Variants in SYNPO2 observed in about 807,000 individuals in gnomAD.
SYNPO2 encodes the protein synaptopodin-2.
In SYNPO2, 56 loss-of-function variants were observed where a neutral mutation model predicts 85.0. That is an observed-to-expected ratio of 0.66 (90% CI 0.53 to 0.82). SYNPO2 has a LOEUF of 0.82. SYNPO2 is among the 40% of genes least tolerant of loss of function. SYNPO2 has a pLI of 0.00. For synonymous variants in SYNPO2, 602 were observed against 591.1 expected (o/e 1.02, Z -0.27); for missense variants, 1,575 against 1,534.2 (o/e 1.03, Z -0.44).
intron 1 of SYNPO2, chr4:119,005,931 A>G (rs1045000005): frequency 6.6e-6 from 1 of 152,224 alleles, no homozygotes; most frequent in Admixed American, 6.5e-5. Context: ...TAATTATTAC[A>G]TTCTACAAAG....
At chr4:118,871,172 A>T (rs1340211293) in intron 1 of SYNPO2, among the ~76,000 whole-genome samples, 1 of 152,202 alleles carries the variant, frequency 6.6e-6, no homozygotes, top group Non-Finnish European at 1.5e-5. Flanking sequence ...AAACAGGTCA[A>T]ATGTCACCTC....
chr4:118,988,113 T>C (rs1301881174), intron 1 of SYNPO2, among the ~76,000 whole-genome samples: 1 of 152,250 alleles, frequency 6.6e-6, no homozygotes, highest in African/African-American at 2.4e-5. Flanking sequence ...CTTGATTTCA[T>C]GAGCAGGAAA....
chr4:118,893,814 T>G (rs1201280132), intron 1 of SYNPO2, among the ~76,000 whole-genome samples: 7 of 151,338 alleles, frequency 4.6e-5, no homozygotes, highest in Non-Finnish European at 1.0e-4. Flanking sequence ...TAGTTGATAA[T>G]AACGTATTGT....
At chr4:119,033,727 C>T (rs1421479076) in intron 4 of SYNPO2, 1 of 984,940 alleles carries the variant, frequency 1.0e-6, no homozygotes, top group Non-Finnish European at 1.2e-6. Context: ...ATTACTGTCT[C>T]CTTTATCTGT....
chr4:118,879,150 C>A (rs1440786987), intron 1 of SYNPO2, among the ~76,000 whole-genome samples: 1 of 152,064 alleles, frequency 6.6e-6, no homozygotes, highest in African/African-American at 2.4e-5. Context: ...CCCGACACAT[C>A]TGAACATCTG....
At chr4:118,954,223 C>G (rs1734793431) in intron 1 of SYNPO2, among the ~76,000 whole-genome samples, 1 of 152,156 alleles carries the variant, frequency 6.6e-6, no homozygotes, top group Admixed American at 6.6e-5. Flanking sequence ...TAGTCTGTAT[C>G]TTTAAAACAA....
At chr4:118,904,480 C>T (rs907541176) in intron 1 of SYNPO2, among the ~76,000 whole-genome samples, 5 of 152,048 alleles carry the variant, frequency 3.3e-5, no homozygotes, top group African/African-American at 7.2e-5. Context: ...GAAATCATCA[C>T]GAAGAGAAGA....
At position 119,058,504 on chromosome 4, in the gene SYNPO2, G is replaced by A. The variant is rs1379280905; in HGVS notation, c.*570G>A. ...TTTTTTTTTTTTGAGATGGAGTCTT[G>A]CTCTGTCCCACCCAGTCTGGAGTGC... On this transcript the variant is annotated 3_prime_UTR_variant, in exon 5 of 5. Transcript: ENST00000307142. 1 of 103,330 alleles carries A rather than the reference G, an allele frequency of 9.7e-6. No individual in the cohort carries two copies. The highest frequency in any genetic ancestry group is 1.8e-5 in the Non-Finnish European group (1 of 55,022). 6.4% of individuals were successfully genotyped at this position (103,330 alleles called of 1,614,324 possible).
intron 2 of SYNPO2, among the ~76,000 whole-genome samples, chr4:119,025,161 G>T (rs1036922507): frequency 6.6e-6 from 1 of 152,090 alleles, no homozygotes; most frequent in Non-Finnish European, 1.5e-5. Flanking sequence ...CCATTTGTCT[G>T]TATTGGTCTA....
At position 119,030,761 on chromosome 4, in the gene SYNPO2, T is replaced by C. The variant is rs1043259502; in HGVS notation, c.1986T>C (p.Asp662=). The C allele has an allele frequency of 1.2e-6, 2 of 1,614,040 alleles. No homozygotes were observed. Among genetic ancestry groups the C allele is most frequent in the African/African-American group, 1.3e-5 (1 of 74,900 alleles). ...CGTGGTCCCAGCCAGCCTTTTACGA[T>C]TCGTCTGAGCGAATAGCTTCCCGAG... ...PAPWSQPAFY[D]SSERIASRDE... is the part of the protein sequence containing the mutation. The change falls in exon 4 of 5, where the codon GAT becomes GAC. Residue 662 remains aspartate, a synonymous_variant. Coordinates refer to ENST00000307142, the MANE Select transcript of SYNPO2 (RefSeq NM_133477.3).
At chr4:118,964,223 G>T (rs532896840) in intron 1 of SYNPO2, among the ~76,000 whole-genome samples, 1 of 152,180 alleles carries the variant, frequency 6.6e-6, no homozygotes, top group East Asian at 1.9e-4. Context: ...GTTGAGGCGG[G>T]CAGATTACTT....
chr4:119,025,895 G>A (rs904429748), intron 2 of SYNPO2, among the ~76,000 whole-genome samples: 1 of 152,154 alleles, frequency 6.6e-6, no homozygotes, highest in African/African-American at 2.4e-5. Context: ...GAGCTGTGGT[G>A]TACAGCTCTA....
intron 1 of SYNPO2, among the ~76,000 whole-genome samples, chr4:118,933,826 G>GTGGT (rs1553939084): frequency 1.3e-3 from 29 of 22,040 alleles, no homozygotes; most frequent in African/African-American, 2.8e-3. Context: ...TGCTGTTGTT[G>GTGGT]TTGTTTTTTT....
intron 1 of SYNPO2, among the ~76,000 whole-genome samples, chr4:118,946,581 G>C (rs572017008): frequency 3.6e-4 from 55 of 152,252 alleles, no homozygotes; most frequent in African/African-American, 1.3e-3. Flanking sequence ...CACATCGTTC[G>C]CTCGTTCTCT....
intron 1 of SYNPO2, among the ~76,000 whole-genome samples, chr4:118,965,079 G>C (rs1735261461): frequency 6.6e-6 from 1 of 152,068 alleles, no homozygotes; most frequent in Non-Finnish European, 1.5e-5. Context: ...CTTTATCTCT[G>C]TCTTGGCATA....
chr4:118,859,950 G>A (rs1731581050), intron 1 of SYNPO2, among the ~76,000 whole-genome samples: 1 of 152,102 alleles, frequency 6.6e-6, no homozygotes, highest in Non-Finnish European at 1.5e-5. Context: ...GAAATTGCTA[G>A]ATCATCTGGT....
intron 1 of SYNPO2, among the ~76,000 whole-genome samples, chr4:118,879,326 C>T (rs1032513025): frequency 6.6e-6 from 1 of 152,178 alleles, no homozygotes; most frequent in African/African-American, 2.4e-5. Context: ...TTTCCCTAGG[C>T]TCTGGGGAAC....
intron 1 of SYNPO2, among the ~76,000 whole-genome samples, chr4:118,967,653 T>A (rs1735368258): frequency 6.6e-6 from 1 of 152,198 alleles, no homozygotes; most frequent in African/African-American, 2.4e-5. Context: ...TATAGCACAA[T>A]CCCTGATAGT....
rs1736055034 is a variant in SYNPO2 at position 118,982,286 on chromosome 4, A to G, written c.106-41144A>G. On this transcript the variant is annotated intron_variant, in intron 1 of 4. Transcript: ENST00000307142. Reference sequence around the variant, plus strand: ...AAAAAGATAATGTCCAGTGCAGTGTAGGAACAAAAAAGGCAAACTAAAATA... The same window carrying G: ...AAAAAGATAATGTCCAGTGCAGTGTGGGAACAAAAAAGGCAAACTAAAATA... 1.3e-5 allele frequency among the ~76,000 whole-genome samples: 2 copies of G among 152,222 alleles called. 1 individual carries two copies. The highest frequency in any genetic ancestry group is 4.1e-4 in the South Asian group (2 of 4,836).
Sources: allele counts gnomAD v4.1 joint callset (sites outside exome capture counted in the v4.1 genomes callset), GRCh38; gene constraint gnomAD v4.1.1; transcripts MANE v1.5; gene names NCBI Gene and HGNC (gene_info 2026-07-23, HGNC 2026-07-21).